GTPBP1: variants seen among roughly 807,000 people sequenced by gnomAD.
GTPBP1 encodes the protein GTP binding protein 1.
GTPBP1 carries 23 observed loss-of-function variants against 62.0 expected under a neutral mutation model. The ratio of observed to expected loss-of-function variants is 0.37; its 90% CI spans 0.27 to 0.53. The LOEUF is 0.53. Ranked by LOEUF, GTPBP1 falls within the 20% of genes least tolerant of loss-of-function variation. The probability of loss-of-function intolerance (pLI) is 0.89; values close to 1 mark genes in which losing one functional copy is unlikely to be tolerated. For missense variants in GTPBP1, 640 were observed against 917.3 expected, an observed-to-expected ratio of 0.70 and a Z score of 3.90; for synonymous variants, 344 against 364.4, an observed-to-expected ratio of 0.94 and a Z score of 0.64.
intron 1 of GTPBP1, among the ~76,000 whole-genome samples, chr22:38,707,561 C>G (rs940671507): frequency 6.6e-6 from 1 of 152,206 alleles, no homozygotes; most frequent in Admixed American, 6.5e-5. Context: ...CAATTACAAG[C>G]TCTGATGAGT....
chr22:38,735,497 C>T (rs1248932105), downstream of GTPBP1: 3 of 289,958 alleles, frequency 1.0e-5, no homozygotes, highest in African/African-American at 6.7e-5. Context: ...CACTGGCAGG[C>T]CCTAGCAGGA....
intron 4 of GTPBP1, 53 bp from the exon 5 acceptor site, chr22:38,721,689 A>G (rs1370198890): frequency 1.3e-6 from 2 of 1,563,420 alleles, no homozygotes; most frequent in African/African-American, 1.4e-5. Flanking sequence ...GTGTCCACCC[A>G]GCAGCAATCT....
At chr22:38,738,710 T>C (rs1062687), downstream of GTPBP1, 501,725 of 1,613,404 alleles carry the variant, frequency 0.31, 81,310 homozygotes, top group African/African-American at 0.51. The surrounding 1 kb of genome is among the most constrained non-coding windows in gnomAD (Gnocchi z 6.6). Context: ...CGGCGAAGCC[T>C]TGTGGCCCCT....
intron 5 of GTPBP1, chr22:38,722,971 G>A: frequency 3.4e-6 from 3 of 874,368 alleles, no homozygotes; most frequent in Non-Finnish European, 5.9e-6. Flanking sequence ...CTTAGTGCAA[G>A]ACCAGAACCT....
At chr22:38,729,365 G>T in intron 10 of GTPBP1, 97 bp from the exon 11 acceptor site, 1 of 840,364 alleles carries the variant, frequency 1.2e-6, no homozygotes, top group Non-Finnish European at 1.8e-6. Flanking sequence ...CAAGGAATGA[G>T]GAGTCTGTGG....
intron 5 of GTPBP1, chr22:38,723,443 G>A (rs2092711244): frequency 2.8e-6 from 3 of 1,080,858 alleles, no homozygotes; most frequent in Non-Finnish European, 4.2e-6. Flanking sequence ...AATGCCCCAA[G>A]GAATGGCACT....
Position 38,720,650 on chromosome 22 carries a change from C to T in GTPBP1, c.835-1092C>T, listed in dbSNP as rs200144357. On this transcript the variant is annotated intron_variant, in intron 4 of 11. Coordinates refer to ENST00000216044, the MANE Select transcript of GTPBP1 (RefSeq NM_004286.5). ...TAAAAATTTCTTCTTTTGTACAGCA[C>T]ATTTCATACACGTGCCCTGATTTAT... is the stretch of plus-strand genomic sequence containing the variant. Among the ~76,000 whole-genome samples the T allele has an allele frequency of 3.7e-4, 57 of 152,258 alleles. 1 individual carries two copies. In the East Asian group the frequency reaches 9.3e-3, roughly 25 times the overall value.
At chr22:38,741,191 T>A, downstream of GTPBP1, 1 of 920,752 alleles carries the variant, frequency 1.1e-6, no homozygotes, top group Non-Finnish European at 1.7e-6. Flanking sequence ...AAAATCAAAC[T>A]GGCCTCCTTG....
chr22:38,740,229 G>A, downstream of GTPBP1: 1 of 1,508,112 alleles, frequency 6.6e-7, no homozygotes, highest in African/African-American at 1.4e-5. The surrounding 1 kb of genome is among the most constrained non-coding windows in gnomAD (Gnocchi z 4.8). Flanking sequence ...CAAAGGAGGA[G>A]GAGAGGGACC....
At chr22:38,738,909 CA>C, downstream of GTPBP1, 1 of 1,611,676 alleles carries the variant, frequency 6.2e-7, no homozygotes, top group Non-Finnish European at 8.5e-7. The surrounding 1 kb of genome is among the most constrained non-coding windows in gnomAD (Gnocchi z 6.6). Flanking sequence ...AGTGGTACCA[CA>C]GGGGGATGCC....
At chr22:38,713,675 A>C (rs2092652834) in intron 2 of GTPBP1, among the ~76,000 whole-genome samples, 1 of 152,194 alleles carries the variant, frequency 6.6e-6, no homozygotes, top group South Asian at 2.1e-4. Flanking sequence ...GGCCTCCCCC[A>C]AGCTCTGAGA....
At chr22:38,742,168 A>T, downstream of GTPBP1, 3 of 1,161,800 alleles carry the variant, frequency 2.6e-6, no homozygotes, top group Non-Finnish European at 3.6e-6. Flanking sequence ...AAAGAAAAAA[A>T]GAGAAAGGGA....
chr22:38,707,122 G>A lies in GTPBP1; in HGVS notation c.192+975G>A, dbSNP rs1374350385. Among the ~76,000 whole-genome samples the A allele has an allele frequency of 2.8e-4, 42 of 152,146 alleles. 1 individual carries two copies. The highest frequency in any genetic ancestry group is 2.8e-3 in the Admixed American group (42 of 15,272). On this transcript the variant is annotated intron_variant, in intron 1 of 11. Transcript: ENST00000216044. ...TGTAAAAATTAGAAATATTTAAGAA[G>A]ACACCTAATAGTGCCTGATGCATAC...
At position 38,726,430 on chromosome 22, in the gene GTPBP1, C is replaced by T. The variant is rs772413874; in HGVS notation, c.1391C>T (p.Ala464Val). The T allele has an allele frequency of 3.7e-6, 6 of 1,612,866 alleles. No individual in the cohort carries two copies. The East Asian group carries it at 6.7e-5, about 18-fold the overall frequency. Residue 464 changes from alanine (A) to valine (V), a missense_variant, in exon 8 of 12, where the codon GCG becomes GTG. By Grantham distance (64) the Ala-to-Val change is moderately conservative. This residue lies in a region of GTPBP1 where 220 missense variants were observed against 358.1 expected (regional missense o/e 0.61). Coordinates refer to ENST00000216044, the MANE Select transcript of GTPBP1 (RefSeq NM_004286.5). This position sits in a 1 kb window ranked among gnomAD's most constrained non-coding sequence, Gnocchi z 4.1. ...EVRGGQTASF[A>V]LKKIKRSSIR... ...CGGGGTGGCCAGACAGCATCCTTTG[C>T]GCTGAAGAAGGTGAGTAGCGATGAT...
chr22:38,741,151 C>A, downstream of GTPBP1: 1 of 1,337,250 alleles, frequency 7.5e-7, no homozygotes, highest in Non-Finnish European at 1.0e-6. Flanking sequence ...TAACCACACC[C>A]CTGCCCAAGG....
chr22:38,741,078 G>T, downstream of GTPBP1: 1 of 1,583,738 alleles, frequency 6.3e-7, no homozygotes. Flanking sequence ...ACAAATACAA[G>T]AAATACTCAT....
In GTPBP1 at chr22:38,727,169, A is replaced by G; in HGVS notation, c.1402-44A>G. On this transcript the variant is annotated intron_variant, in intron 8 of 11. Transcript: ENST00000216044. The surrounding 1 kb of genome is among the most constrained non-coding windows in gnomAD (Gnocchi z 6.5). Reference sequence around the variant, plus strand: ...CCCTGGGACCAGGGGTGAAACCAGAAGGCATAATTGTCCCTGAGGGCTGGG... The same window carrying G: ...CCCTGGGACCAGGGGTGAAACCAGAGGGCATAATTGTCCCTGAGGGCTGGG... 1 of 1,509,338 alleles carries G rather than the reference A, an allele frequency of 6.6e-7. No individual in the cohort carries two copies. Among genetic ancestry groups the G allele is most frequent in the Non-Finnish European group, 8.9e-7 (1 of 1,123,524 alleles). The allele number at this position is 1,509,338 out of a possible 1,614,324, so 93.5% of individuals were successfully genotyped here. A position where few individuals can be genotyped will look rare whatever the true frequency, so the allele number is the denominator to read the frequency against.
In GTPBP1 at chr22:38,716,322, T is replaced by C. The variant is rs1449671344; in HGVS notation, c.485+235T>C. 1 of 586,012 alleles carries C rather than the reference T, an allele frequency of 1.7e-6. No homozygotes were observed. Among genetic ancestry groups the C allele is most frequent in the African/African-American group, 1.9e-5 (1 of 53,744 alleles). The allele number at this position is 586,012 out of a possible 1,614,324, so 36.3% of individuals were successfully genotyped here. On this transcript the variant is annotated intron_variant, in intron 3 of 11. Transcript: ENST00000216044. This position sits in a 1 kb window ranked among gnomAD's most constrained non-coding sequence, Gnocchi z 5.2. ...GGCCATTCTCTGTGGGTGTGTTTCT[T>C]TTCCCTTCAGCCTGTGAGCCTGGAA...
chr22:38,727,305 C>T lies in GTPBP1; in HGVS notation c.1494C>T (p.Val498=), dbSNP rs771976065. The change falls in exon 9 of 12, where the codon GTC becomes GTT. Residue 498 remains valine (V), a synonymous_variant. Transcript: ENST00000216044. The surrounding 1 kb of genome is among the most constrained non-coding windows in gnomAD (Gnocchi z 6.5). ...GGGAGTTTGAGGCCGAGATTCTCGT[C>T]CTCCACCACCCCACCACAATTAGCC... The part of the protein sequence containing the change: ...ASWEFEAEIL[V]LHHPTTISPR... 1.6e-5 allele frequency: 25 copies of T among 1,596,740 alleles called. No homozygotes were observed. The highest frequency in any genetic ancestry group is 1.7e-4 in the Middle Eastern group (1 of 6,042).
Sources: allele counts gnomAD v4.1 joint callset (sites outside exome capture counted in the v4.1 genomes callset), GRCh38; gene constraint gnomAD v4.1.1; regional missense constraint gnomAD v4.1.1; non-coding constraint Gnocchi (gnomAD v3.1); transcripts MANE v1.5; gene names NCBI Gene and HGNC (gene_info 2026-07-23, HGNC 2026-07-21).